CEP20: variants seen among roughly 807,000 people sequenced by gnomAD.
CEP20 encodes FGFR1OP N-terminal like.
A neutral mutation model predicts 20.0 loss-of-function variants in CEP20; 18 were observed. The observed-to-expected ratio is 0.90, with a 90% CI of 0.62 to 1.34. CEP20 has a LOEUF of 1.34. Among genes scored for constraint, CEP20 ranks in the 40% most tolerant of loss-of-function variants. The pLI, the probability that CEP20 is intolerant of heterozygous loss-of-function variation, is 0.00. For synonymous variants in CEP20, 77 were observed against 73.7 expected, an observed-to-expected ratio of 1.04 and a Z score of -0.23; for missense variants, 215 against 201.6, an observed-to-expected ratio of 1.07 and a Z score of -0.40.
intron 4 of CEP20, among the ~76,000 whole-genome samples, chr16:15,873,240 G>C (rs963240475): frequency 6.6e-6 from 1 of 152,050 alleles, no homozygotes; most frequent in African/African-American, 2.4e-5. Context: ...ATTGTGCCTA[G>C]CCCAGAGTTT....
intron 3 of CEP20, 132 bp from the exon 4 acceptor site, chr16:15,873,759 A>C (rs1690789887): frequency 9.5e-7 from 1 of 1,056,780 alleles, no homozygotes; most frequent in Non-Finnish European, 1.3e-6. Flanking sequence ...AGACTTTAAA[A>C]AGCGGCATGA....
At chr16:15,869,337 G>A (rs767712437) in intron 4 of CEP20, among the ~76,000 whole-genome samples, 1 of 138,782 alleles carries the variant, frequency 7.2e-6, no homozygotes, top group Non-Finnish European at 1.5e-5. Flanking sequence ...TTGAGACAGA[G>A]TCTCGCTCTG....
intron 2 of CEP20, among the ~76,000 whole-genome samples, chr16:15,881,611 G>A (rs1024842519): frequency 2.0e-5 from 3 of 152,090 alleles, no homozygotes; most frequent in East Asian, 1.9e-4. Context: ...GAGGGAATCC[G>A]ATGACACACA....
chr16:15,888,477 C>T, intron 1 of CEP20, 81 bp downstream of exon 1: 1 of 1,582,132 alleles, frequency 6.3e-7, no homozygotes, highest in Non-Finnish European at 8.7e-7. Flanking sequence ...ATGTGTTCCG[C>T]GCGCTCTCCT....
Position 15,867,244 on chromosome 16 carries a change from T to C in CEP20, c.*196A>G, listed in dbSNP as rs1340089791. The stretch of plus-strand genomic sequence containing the variant: ...AAATACTTCGTAAAAACAATACTTT[T>C]TTTTTCAAGTCAAATCCAATAAGCT... On this transcript the variant is annotated 3_prime_UTR_variant, in exon 5 of 5. Coordinates refer to ENST00000255759, the MANE Select transcript of CEP20 (RefSeq NM_144600.4). 1 of 448,492 alleles carries C rather than the reference T, an allele frequency of 2.2e-6. No individual in the cohort carries two copies. The highest frequency in any genetic ancestry group is 3.9e-6 in the Non-Finnish European group (1 of 256,196). The allele number at this position is 448,492 out of a possible 1,614,324, so 27.8% of individuals were successfully genotyped here. A position where few individuals can be genotyped will look rare whatever the true frequency, so the allele number is the denominator to read the frequency against.
chr16:15,882,327 G>T (rs972312094), intron 2 of CEP20, among the ~76,000 whole-genome samples: 1 of 152,162 alleles, frequency 6.6e-6, no homozygotes, highest in South Asian at 2.1e-4. Context: ...GGATCACGAG[G>T]TCAGGAGACT....
chr16:15,879,014 T>TC (rs1312472343), intron 3 of CEP20, among the ~76,000 whole-genome samples: 1 of 145,686 alleles, frequency 6.9e-6, no homozygotes, highest in East Asian at 2.0e-4. Context: ...CCTATGTACT[T>TC]TTTTTTTTTT....
At chr16:15,872,674 A>G (rs1179282704) in intron 4 of CEP20, among the ~76,000 whole-genome samples, 1 of 151,978 alleles carries the variant, frequency 6.6e-6, no homozygotes, top group African/African-American at 2.4e-5. Flanking sequence ...GCACCACTGC[A>G]CTCTAGTCAG....
intron 1 of CEP20, chr16:15,886,111 G>T (rs1198894311): frequency 6.6e-6 from 1 of 152,212 alleles, no homozygotes. Flanking sequence ...AATCAATGTA[G>T]TTTAACACTG....
rs1315145799 is a variant in CEP20 at position 15,866,568 on chromosome 16, G to C, written c.*872C>G. 1 of 152,186 alleles carries C rather than the reference G, an allele frequency of 6.6e-6. No homozygotes were observed. The allele number at this position is 152,186 out of a possible 1,614,324, so 9.4% of individuals were successfully genotyped here. A position where few individuals can be genotyped will look rare whatever the true frequency, so the allele number is the denominator to read the frequency against. On this transcript the variant is annotated 3_prime_UTR_variant, in exon 5 of 5. Coordinates refer to ENST00000255759, the MANE Select transcript of CEP20 (RefSeq NM_144600.4). ...AAGAATAAAAATTGATGTTTGGTAA[G>C]AGTTTCGGAGCCCAAACAAGTAGGG... is the stretch of plus-strand genomic sequence containing the variant.
intron 1 of CEP20, among the ~76,000 whole-genome samples, chr16:15,884,655 C>T (rs747541326): frequency 6.6e-6 from 1 of 152,154 alleles, no homozygotes; most frequent in Non-Finnish European, 1.5e-5. Context: ...GCACGTGCCA[C>T]CACGCCCAAC....
rs1337274917 is a variant in CEP20 at position 15,884,172 on chromosome 16, A to C, written c.62T>G (p.Leu21Ter). 6.2e-7 allele frequency: 1 copy of C among 1,612,292 alleles called. No individual in the cohort carries two copies. Among genetic ancestry groups the C allele is most frequent in the African/African-American group, 1.3e-5 (1 of 74,898 alleles). Residue 21 changes from leucine (L) to a stop codon, truncating the protein, a stop_gained, in exon 2 of 5, where the codon TTA becomes TGA. Transcript: ENST00000255759. LOFTEE classifies it high-confidence loss of function. ...LKDTLEKKGV[L>*]GHLKARIRAE... Reference sequence around the variant, plus strand: ...TCGGATCCTTGCTTTTAAATGCCCTAATACCCCCTTTTTTTCCAAGGTGTC... The same window carrying C: ...TCGGATCCTTGCTTTTAAATGCCCTCATACCCCCTTTTTTTCCAAGGTGTC...
chr16:15,881,929 C>T (rs565840702), intron 2 of CEP20, among the ~76,000 whole-genome samples: 3 of 152,204 alleles, frequency 2.0e-5, no homozygotes, highest in African/African-American at 7.2e-5. Flanking sequence ...TTTCCCGCTG[C>T]TAGAGTCTGG....
intron 4 of CEP20, among the ~76,000 whole-genome samples, chr16:15,869,578 T>C (rs2151419699): frequency 6.6e-6 from 1 of 152,276 alleles, no homozygotes; most frequent in South Asian, 2.1e-4. Flanking sequence ...CCCAAGGTGC[T>C]GGGATTACAG....
chr16:15,880,105 T>C (rs1735430556), intron 2 of CEP20, among the ~76,000 whole-genome samples: 1 of 152,258 alleles, frequency 6.6e-6, no homozygotes, highest in African/African-American at 2.4e-5. Context: ...TAAATTCACT[T>C]TTTAAATTCC....
chr16:15,884,039 T>C lies in CEP20; in HGVS notation c.195A>G (p.Lys65=), dbSNP rs770249490. The change falls in exon 2 of 5, where the codon AAA becomes AAG. Residue 65 remains lysine (K), a synonymous_variant. Coordinates refer to ENST00000255759, the MANE Select transcript of CEP20 (RefSeq NM_144600.4). ...ELIREYLEFN[K]YKYTASVLIA... is the part of the protein sequence containing the mutation. ...TGAGGACAGATGCTGTATACTTATATTTGTTGAATTCTAAATACTCTCGAA... is the reference window on the plus strand; with the variant it reads ...TGAGGACAGATGCTGTATACTTATACTTGTTGAATTCTAAATACTCTCGAA... 1.2e-6 allele frequency: 2 copies of C among 1,613,350 alleles called. No homozygotes were observed. Among genetic ancestry groups the C allele is most frequent in the South Asian group, 1.1e-5 (1 of 91,056 alleles).
chr16:15,879,266 G>GTTTT (rs746235508), intron 3 of CEP20, among the ~76,000 whole-genome samples: 7,663 of 151,720 alleles, frequency 0.051, 298 homozygotes, highest in East Asian at 0.21. Context: ...TTTTGTTTTT[G>GTTTT]TTTTTGTTTT....
chr16:15,867,869 A>T (rs1299815912), intron 4 of CEP20, among the ~76,000 whole-genome samples: 1 of 149,370 alleles, frequency 6.7e-6, no homozygotes, highest in African/African-American at 2.5e-5. Context: ...GCTACTCGGG[A>T]GGCTGAGGCA....
chr16:15,888,558 C>T lies in CEP20; in HGVS notation c.28G>A (p.Val10Ile). 6.2e-7 allele frequency: 1 copy of T among 1,614,208 alleles called. No homozygotes were observed. Among genetic ancestry groups the T allele is most frequent in the Non-Finnish European group, 8.5e-7 (1 of 1,180,030 alleles). ...TGGAGGCCTCCCTGCTCGCACTCAC[C>T]AGCCTTCAACTCTGCCACAGTCGCC... MATVAELKAVLKDTLEKKGV... is the reference protein window; with the variant it reads MATVAELKAILKDTLEKKGV... Residue 10 changes from valine to isoleucine, a missense_variant and splice_region_variant, in exon 1 of 5, where the codon GTT becomes ATT. Transcript: ENST00000255759.
Sources: allele counts gnomAD v4.1 joint callset (sites outside exome capture counted in the v4.1 genomes callset), GRCh38; gene constraint gnomAD v4.1.1; transcripts MANE v1.5; gene names NCBI Gene and HGNC (gene_info 2026-07-23, HGNC 2026-07-21).